PGK1: variants seen among roughly 807,000 people sequenced by gnomAD.
PGK1 encodes PRP 2.
PGK1 carries 3 observed loss-of-function variants against 26.9 expected under a neutral mutation model. The ratio of observed to expected loss-of-function variants is 0.11; its 90% CI spans 0.05 to 0.29. The LOEUF is 0.29. Ranked by LOEUF, PGK1 falls within the 10% of genes least tolerant of loss-of-function variation. PGK1 has a pLI of 1.00. For missense variants in PGK1, 270 were observed against 314.7 expected, an observed-to-expected ratio of 0.86 and a Z score of 1.07; for synonymous variants, 125 against 115.3, an observed-to-expected ratio of 1.08 and a Z score of -0.54.
intron 2 of PGK1, among the ~76,000 whole-genome samples, chrX:78,111,629 T>C (rs1225501856): frequency 8.9e-6 from 1 of 112,044 alleles, no homozygotes; most frequent in Non-Finnish European, 1.9e-5. Flanking sequence ...TAATGGACAG[T>C]GCAGGTCTAG....
In PGK1 at chrX:78,127,099, G is replaced by A. The variant is rs1408226613; in HGVS notation, c.*1269G>A. ...CTTTTACCTCCTGTGTTAGACTCCT[G>A]TTTTCTGGATTCCCCCTTTTCCCTC... On this transcript the variant is annotated 3_prime_UTR_variant, in exon 11 of 11. Coordinates refer to ENST00000373316, the MANE Select transcript of PGK1 (RefSeq NM_000291.4). The A allele has an allele frequency of 8.9e-6, 1 of 112,285 alleles. No homozygotes were observed. Among genetic ancestry groups the A allele is most frequent in the Admixed American group, 9.4e-5 (1 of 10,630 alleles). The allele number at this position is 112,285 out of a possible 1,213,427, so 9.3% of individuals were successfully genotyped here.
chrX:78,113,661 G>T, intron 2 of PGK1, 83 bp from the exon 3 acceptor site: 1 of 875,820 alleles, frequency 1.1e-6, no homozygotes, highest in African/African-American at 1.9e-5. Context: ...GGAGCTTTAT[G>T]CTTTATGAGG....
intron 4 of PGK1, among the ~76,000 whole-genome samples, chrX:78,114,882 A>C (rs1312368120): frequency 8.9e-6 from 1 of 112,338 alleles, no homozygotes; most frequent in African/African-American, 3.2e-5. Flanking sequence ...CTCTTTGCAG[A>C]TGATTTTGAA....
rs2078397855 is a variant in PGK1 at position 78,129,250 on chromosome X, T to TATCTATC, written c.*3421_*3427dup. ...CTATCTATCTATCTATCTATCTATC[T>TATCTATC]ATCTATCTATCTGTATATAGATATA... On this transcript the variant is annotated 3_prime_UTR_variant, in exon 11 of 11. Transcript: ENST00000373316. 9.0e-6 allele frequency: 1 copy of TATCTATC among 110,938 alleles called. No individual in the cohort carries two copies. The highest frequency in any genetic ancestry group is 3.8e-4 in the South Asian group (1 of 2,656). 9.1% of individuals were successfully genotyped at this position (110,938 alleles called of 1,213,427 possible). A position where few individuals can be genotyped will look rare whatever the true frequency, so the allele number is the denominator to read the frequency against.
intron 1 of PGK1, among the ~76,000 whole-genome samples, chrX:78,105,259 G>A (rs2078266401): frequency 8.9e-6 from 1 of 112,229 alleles, no homozygotes; most frequent in Non-Finnish European, 1.9e-5. Flanking sequence ...TGTTGGTAGA[G>A]TGGGCAGCTT....
At chrX:78,105,786 C>T (rs1223400409) in intron 1 of PGK1, among the ~76,000 whole-genome samples, 1 of 111,830 alleles carries the variant, frequency 8.9e-6, no homozygotes, top group Non-Finnish European at 1.9e-5. Flanking sequence ...CCCCAAATGA[C>T]ATAGGCCTTT....
At chrX:78,106,385 T>G in intron 1 of PGK1, 1 of 746,841 alleles carries the variant, frequency 1.3e-6, no homozygotes, top group Non-Finnish European at 1.6e-6. Context: ...TCTACTTATT[T>G]AGGCTGAGGA....
chrX:78,114,118 T>A lies in PGK1; in HGVS notation c.375T>A (p.His125Gln), dbSNP rs142134146. The change falls in exon 4 of 11, where the codon CAT becomes CAA. Residue 125 changes from histidine (H) to glutamine (Q), a missense_variant. By Grantham distance (24) the His-to-Gln change is conservative. Around this residue, in one of 3 missense-constraint regions of PGK1, gnomAD observed 150 missense variants for 154.6 expected, o/e 0.97. Coordinates refer to ENST00000373316, the MANE Select transcript of PGK1 (RefSeq NM_000291.4). The stretch of plus-strand genomic sequence containing the variant: ...TCCTGCTGGAGAACCTCCGCTTTCA[T>A]GTGGAGGAAGAAGGGAAGGGAAAAG... Reference protein sequence around the residue: ...SVILLENLRFHVEEEGKGKDA... With the variant: ...SVILLENLRFQVEEEGKGKDA... 3.8e-5 allele frequency: 46 copies of A among 1,207,912 alleles called. No homozygotes were observed. The highest frequency in any genetic ancestry group is 5.0e-5 in the Non-Finnish European group (45 of 893,384).
intron 2 of PGK1, among the ~76,000 whole-genome samples, chrX:78,110,429 G>A (rs1201963129): frequency 1.2e-4 from 13 of 109,861 alleles, no homozygotes; most frequent in African/African-American, 4.0e-4. Flanking sequence ...TAAAGTGCTG[G>A]GACCACAGGT....
At chrX:78,113,373 G>C (rs1186892358) in intron 2 of PGK1, among the ~76,000 whole-genome samples, 6 of 112,045 alleles carry the variant, frequency 5.4e-5, no homozygotes, top group African/African-American at 1.9e-4. Context: ...AAATCACCAT[G>C]TTTGTATAGA....
intron 6 of PGK1, 29 bp from the exon 7 acceptor site, chrX:78,122,803 CTTT>C: frequency 1.2e-6 from 1 of 845,071 alleles, no homozygotes; most frequent in Non-Finnish European, 1.8e-6. Context: ...GTCCATTCTT[CTTT>C]AAGTGATGAT....
intron 6 of PGK1, among the ~76,000 whole-genome samples, chrX:78,121,402 A>ATGTGTGTGTGTG (rs782769996): frequency 9.3e-6 from 1 of 107,885 alleles, no homozygotes; most frequent in Non-Finnish European, 1.9e-5. Context: ...TTGTGTGTGT[A>ATGTGTGTGTGTG]TGTGTGTGTG....
intron 2 of PGK1, among the ~76,000 whole-genome samples, chrX:78,111,705 G>A (rs782569983): frequency 1.8e-5 from 2 of 112,105 alleles, no homozygotes; most frequent in East Asian, 5.6e-4. Flanking sequence ...CATCCCTGCT[G>A]TACCATAGTG....
At chrX:78,105,591 A>G (rs1449990032) in intron 1 of PGK1, among the ~76,000 whole-genome samples, 3 of 111,464 alleles carry the variant, frequency 2.7e-5, no homozygotes, top group African/African-American at 9.8e-5. Flanking sequence ...CCTTTACTCT[A>G]ACTTTAAACA....
intron 6 of PGK1, among the ~76,000 whole-genome samples, chrX:78,119,401 G>A (rs1162639256): frequency 1.8e-5 from 2 of 111,387 alleles, no homozygotes; most frequent in Non-Finnish European, 3.8e-5. Context: ...ACAATTTCCT[G>A]TGACTTGGTG....
chrX:78,124,557 A>G (rs1350897426), intron 8 of PGK1, among the ~76,000 whole-genome samples: 1 of 111,369 alleles, frequency 9.0e-6, no homozygotes, highest in East Asian at 2.8e-4. Context: ...ATATTTCTAG[A>G]CATTGCCACA....
Position 78,125,325 on chromosome X carries a change from A to C in PGK1, c.1115-2A>C. 1 of 1,179,301 alleles carries C rather than the reference A, an allele frequency of 8.5e-7. No individual in the cohort carries two copies. Among genetic ancestry groups the C allele is most frequent in the Non-Finnish European group, 1.2e-6 (1 of 866,710 alleles). On this transcript the variant is annotated splice_acceptor_variant, in intron 9 of 10. Coordinates refer to ENST00000373316, the MANE Select transcript of PGK1 (RefSeq NM_000291.4). LOFTEE classifies it high-confidence loss of function. Reference sequence around the variant, plus strand: ...CCTTTTTACCTGGCTTTCATTCAACAGGTGGTGGAGACACTGCCACTTGCT... The same window carrying C: ...CCTTTTTACCTGGCTTTCATTCAACCGGTGGTGGAGACACTGCCACTTGCT...
intron 1 of PGK1, among the ~76,000 whole-genome samples, chrX:78,108,218 T>C (rs782415171): frequency 2.7e-5 from 3 of 111,990 alleles, no homozygotes; most frequent in Non-Finnish European, 5.6e-5. Context: ...TCCAAAGATA[T>C]TCCTCCCTGT....
At chrX:78,117,244 G>T in intron 4 of PGK1, 68 bp from the exon 5 acceptor site, 1 of 739,735 alleles carries the variant, frequency 1.4e-6, no homozygotes, top group Admixed American at 2.3e-5. Context: ...GAGGACTCTT[G>T]GTGTATGAAA....
Sources: gnomAD v4.1 joint callset for allele counts (sites outside exome capture counted in the v4.1 genomes callset) on GRCh38, gnomAD v4.1.1 for gene constraint, gnomAD v4.1.1 regional missense constraint, MANE v1.5 for transcripts, NCBI Gene and HGNC (gene_info 2026-07-23, HGNC 2026-07-21) for gene names.